The following CHD9 variants were observed in gnomAD, a reference collection of about 807,000 sequenced individuals.
The protein encoded by CHD9 is ATP-dependent chromatin remodeler CHD9.
Under a neutral mutation model 316.1 loss-of-function variants are expected in CHD9, and 77 were observed. The ratio of observed to expected loss-of-function variants is 0.24; its 90% CI spans 0.20 to 0.29. CHD9 has a LOEUF of 0.29. Among genes scored for constraint, CHD9 ranks in the 10% least tolerant of loss-of-function variants. The pLI, the probability that CHD9 is intolerant of heterozygous loss-of-function variation, is 1.00. For synonymous variants in CHD9, 1,129 were observed against 1,158.3 expected (o/e 0.97, Z 0.51); for missense variants, 2,763 against 3,438.1 (o/e 0.80, Z 4.91).
At chr16:53,102,191 T>G (rs1596991705) in intron 1 of CHD9, among the ~76,000 whole-genome samples, 1 of 152,252 alleles carries the variant, frequency 6.6e-6, no homozygotes, top group Admixed American at 6.5e-5. Context: ...ACTCACTAAC[T>G]AGTTGTTTGG....
chr16:53,206,401 T>G lies in CHD9; in HGVS notation c.1453-3081T>G, dbSNP rs1597428431. Among the ~76,000 whole-genome samples the G allele has an allele frequency of 3.3e-5, 5 of 151,994 alleles. No homozygotes were observed. In the East Asian group the frequency reaches 9.7e-4, roughly 29 times the overall value. The stretch of plus-strand genomic sequence containing the variant: ...CATCCTAGCCTTATTATTTGGTATC[T>G]CTGCAATTTTGAGAATGTTACTACT... On this transcript the variant is annotated intron_variant, in intron 2 of 38. Coordinates refer to ENST00000447540, the MANE Select transcript of CHD9 (RefSeq NM_001308319.2).
chr16:53,308,670 G>A lies in CHD9; in HGVS notation c.7054-16G>A, dbSNP rs1451183881. On this transcript the variant is annotated splice_polypyrimidine_tract_variant and intron_variant, in intron 33 of 38. Transcript: ENST00000447540. ...TTTTAACAGTTTCTGTCTTAATAAT[G>A]GTATTTGTTTAACAGGAAGGTGGTT... is the stretch of plus-strand genomic sequence containing the variant. 1 of 1,593,406 alleles carries A rather than the reference G, an allele frequency of 6.3e-7. No individual in the cohort carries two copies. Among genetic ancestry groups the A allele is most frequent in the Admixed American group, 1.7e-5 (1 of 58,726 alleles).
chr16:53,235,335 TTA>T, intron 11 of CHD9, 29 bp downstream of exon 11: 1 of 1,462,578 alleles, frequency 6.8e-7, no homozygotes, highest in Non-Finnish European at 9.2e-7. Context: ...TAAAAAAAAT[TTA>T]TTTTTTTAAT....
At chr16:53,127,113 C>A (rs1018594065) in intron 1 of CHD9, among the ~76,000 whole-genome samples, 1 of 152,166 alleles carries the variant, frequency 6.6e-6, no homozygotes, top group Non-Finnish European at 1.5e-5. Flanking sequence ...TGCCACCATG[C>A]CCAGCGAATT....
chr16:53,112,503 G>A (rs556274859), intron 1 of CHD9, among the ~76,000 whole-genome samples: 1 of 152,298 alleles, frequency 6.6e-6, no homozygotes, highest in African/African-American at 2.4e-5. Flanking sequence ...TTCTCTGGTG[G>A]TAGATATATG....
chr16:53,134,934 TAAAC>T (rs2039605069), intron 1 of CHD9, among the ~76,000 whole-genome samples: 2 of 152,058 alleles, frequency 1.3e-5, no homozygotes, highest in South Asian at 2.1e-4. Flanking sequence ...AACAAGTAAA[TAAAC>T]AAATGGAAAA....
intron 17 of CHD9, 77 bp downstream of exon 17, chr16:53,250,143 C>G: frequency 3.1e-6 from 3 of 972,928 alleles, no homozygotes; most frequent in East Asian, 2.5e-5. Context: ...TAATCCACAT[C>G]TTTTATTTTT....
chr16:53,197,845 ACG>A (rs748435985), intron 2 of CHD9, among the ~76,000 whole-genome samples: 3 of 152,016 alleles, frequency 2.0e-5, no homozygotes, highest in Non-Finnish European at 4.4e-5. Flanking sequence ...TTTAGTAGAC[ACG>A]GGGTTTCACC....
At chr16:53,056,336 G>A (rs926177873) in intron 1 of CHD9, among the ~76,000 whole-genome samples, 1 of 152,170 alleles carries the variant, frequency 6.6e-6, no homozygotes, top group Non-Finnish European at 1.5e-5. Context: ...TGAAAATCGG[G>A]TTGCCTTGGG....
rs779332009 is a variant in CHD9 at position 53,307,640 on chromosome 16, T to C, written c.6781-41T>C. ...CTATTTGATCTCCAAAGGTCTGATC[T>C]AATTATTAAAATTACACTTTGATGT... On this transcript the variant is annotated intron_variant, in intron 32 of 38. Coordinates refer to ENST00000447540, the MANE Select transcript of CHD9 (RefSeq NM_001308319.2). The C allele has an allele frequency of 2.0e-6, 3 of 1,530,946 alleles. No homozygotes were observed. The East Asian group carries it at 7.2e-5, about 37-fold the overall frequency. 94.8% of individuals were successfully genotyped at this position (1,530,946 alleles called of 1,614,324 possible).
chr16:53,175,480 T>C (rs2043038483), intron 2 of CHD9, among the ~76,000 whole-genome samples: 1 of 152,242 alleles, frequency 6.6e-6, no homozygotes, highest in Non-Finnish European at 1.5e-5. Flanking sequence ...TGCCTTGTTT[T>C]TCAGTTGTTT....
intron 3 of CHD9, among the ~76,000 whole-genome samples, chr16:53,217,776 A>T (rs1204048168): frequency 6.6e-6 from 1 of 152,000 alleles, no homozygotes; most frequent in Non-Finnish European, 1.5e-5. Flanking sequence ...TTAAAAAAAA[A>T]TTATAATATT....
intron 1 of CHD9, among the ~76,000 whole-genome samples, chr16:53,110,035 T>C (rs573381760): frequency 3.3e-4 from 51 of 152,262 alleles, no homozygotes; most frequent in African/African-American, 1.2e-3. Context: ...CATTGAACTC[T>C]TATACCCAAT....
In CHD9 at chr16:53,209,519, A is replaced by G; in HGVS notation, c.1490A>G (p.Tyr497Cys). The G allele has an allele frequency of 1.2e-6, 2 of 1,613,728 alleles. No individual in the cohort carries two copies. The highest frequency in any genetic ancestry group is 1.7e-6 in the Non-Finnish European group (2 of 1,179,710). ...AAGAAGAGCGATGGTTCTGGGACAT[A>G]TACTAAGTTGCAGAATACCCAGGTG... is the stretch of plus-strand genomic sequence containing the variant. ...SSKKSDGSGT[Y>C]TKLQNTQVRV... Residue 497 changes from tyrosine to cysteine, a missense_variant, in exon 3 of 39, where the codon TAT becomes TGT. This residue lies in a region of CHD9 where 859 missense variants were observed against 890.4 expected (regional missense o/e 0.96). Transcript: ENST00000447540.
intron 2 of CHD9, among the ~76,000 whole-genome samples, chr16:53,164,665 T>C (rs1373168946): frequency 6.6e-6 from 1 of 151,706 alleles, no homozygotes; most frequent in East Asian, 1.9e-4. Flanking sequence ...TTGTTGTTGT[T>C]GTTTTTGAGA....
chr16:53,228,005 G>GA (rs1339923565), intron 7 of CHD9, among the ~76,000 whole-genome samples: 1 of 151,846 alleles, frequency 6.6e-6, no homozygotes, highest in African/African-American at 2.4e-5. Flanking sequence ...AGAATCACTT[G>GA]AAGCCAGGAG....
chr16:53,082,969 CTG>C (rs2035159398), intron 1 of CHD9, among the ~76,000 whole-genome samples: 1 of 152,214 alleles, frequency 6.6e-6, no homozygotes, highest in African/African-American at 2.4e-5. Flanking sequence ...CCCTTTTAAA[CTG>C]TGGCCCCCTG....
At chr16:53,115,594 C>G (rs1042046018) in intron 1 of CHD9, among the ~76,000 whole-genome samples, 1 of 152,144 alleles carries the variant, frequency 6.6e-6, no homozygotes, top group Admixed American at 6.5e-5. Context: ...AAAACCAGGT[C>G]GGATAACTCC....
intron 36 of CHD9, among the ~76,000 whole-genome samples, chr16:53,317,146 A>G (rs936464157): frequency 4.0e-5 from 6 of 148,628 alleles, no homozygotes; most frequent in Non-Finnish European, 8.9e-5. Context: ...TCATGAGCCA[A>G]GAGCAAAACT....
Sources: gnomAD v4.1 joint callset for allele counts (sites outside exome capture counted in the v4.1 genomes callset) on GRCh38, gnomAD v4.1.1 for gene constraint, gnomAD v4.1.1 regional missense constraint, MANE v1.5 for transcripts, NCBI Gene and HGNC (gene_info 2026-07-23, HGNC 2026-07-21) for gene names.